Variants in PARD3 observed in about 807,000 individuals in gnomAD.
PARD3 encodes par-3 family cell polarity regulator.
PARD3 carries 75 observed loss-of-function variants against 155.4 expected under a neutral mutation model. The ratio of observed to expected loss-of-function variants is 0.48; its 90% confidence interval spans 0.40 to 0.58. The LOEUF is 0.58. Ranked by LOEUF, PARD3 falls within the 20% of genes least tolerant of loss-of-function variation. The pLI, the probability that PARD3 is intolerant of heterozygous loss-of-function variation, is 0.00. For missense variants in PARD3, 1,642 were observed against 1,721.7 expected, an observed-to-expected ratio of 0.95 and a Z score of 0.82; for synonymous variants, 576 against 610.5, an observed-to-expected ratio of 0.94 and a Z score of 0.83.
At chr10:34,348,506 G>A (rs1483144839) in intron 14 of PARD3, among the ~76,000 whole-genome samples, 1 of 152,088 alleles carries the variant, frequency 6.6e-6, no homozygotes, top group Non-Finnish European at 1.5e-5. Flanking sequence ...TGATCAGAAT[G>A]GAAGCTGCAA....
chr10:34,166,436 G>C (rs58188267), intron 22 of PARD3, among the ~76,000 whole-genome samples: 10,273 of 151,994 alleles, frequency 0.068, 884 homozygotes, highest in East Asian at 0.28. Flanking sequence ...AACACAGTGA[G>C]ATCCTGTCTC....
At chr10:34,571,800 G>A (rs1316772227) in intron 2 of PARD3, among the ~76,000 whole-genome samples, 1 of 152,128 alleles carries the variant, frequency 6.6e-6, no homozygotes, top group East Asian at 1.9e-4. Flanking sequence ...TTATTTAAAT[G>A]CAGGTATTAA....
chr10:34,454,432 T>C (rs2077223880), intron 4 of PARD3, among the ~76,000 whole-genome samples: 1 of 152,312 alleles, frequency 6.6e-6, no homozygotes, highest in East Asian at 1.9e-4. Flanking sequence ...TGCTTTAGCA[T>C]AAATAATTGT....
At chr10:34,737,976 G>A (rs777172192) in intron 1 of PARD3, among the ~76,000 whole-genome samples, 2 of 152,190 alleles carry the variant, frequency 1.3e-5, no homozygotes, top group Non-Finnish European at 2.9e-5. Flanking sequence ...GGCCCAGGAG[G>A]AAGAAGGCAA....
rs567838522 is a variant in PARD3 at position 34,144,807 on chromosome 10, G to A, written c.3420-13224C>T. Among the ~76,000 whole-genome samples, 33 of 152,118 alleles carry A rather than the reference G, an allele frequency of 2.2e-4. No homozygotes were observed. In the South Asian group the frequency reaches 6.7e-3, roughly 31 times the overall value. On this transcript the variant is annotated intron_variant, in intron 22 of 24. Coordinates refer to ENST00000374788, the MANE Select transcript of PARD3 (RefSeq NM_001184785.2). ...TACAATCTGATTTTTCAGATTTCCA[G>A]GAGAACAAGTCTATCATGGCTTATT...
At chr10:34,118,944 A>G (rs1212736798) in intron 24 of PARD3, among the ~76,000 whole-genome samples, 1 of 152,170 alleles carries the variant, frequency 6.6e-6, no homozygotes, top group African/African-American at 2.4e-5. Flanking sequence ...ACTTTGATGG[A>G]AAAATAGTTA....
At chr10:34,288,267 A>G (rs1227016907) in intron 20 of PARD3, among the ~76,000 whole-genome samples, 1 of 152,146 alleles carries the variant, frequency 6.6e-6, no homozygotes, top group African/African-American at 2.4e-5. Flanking sequence ...CCATATGTAA[A>G]ACGTTTATAG....
intron 3 of PARD3, among the ~76,000 whole-genome samples, chr10:34,473,661 G>A (rs1283098933): frequency 6.6e-6 from 1 of 152,214 alleles, no homozygotes; most frequent in African/African-American, 2.4e-5. Context: ...GGCTGGGACA[G>A]AAGCAGTTTT....
chr10:34,653,891 T>C (rs957423382), intron 2 of PARD3, among the ~76,000 whole-genome samples: 1 of 152,080 alleles, frequency 6.6e-6, no homozygotes, highest in South Asian at 2.1e-4. Context: ...CTGGCTTAGA[T>C]TTTGCTCTTT....
intron 2 of PARD3, among the ~76,000 whole-genome samples, chr10:34,643,182 TG>T (rs773682913): frequency 2.9e-4 from 44 of 152,258 alleles, no homozygotes; most frequent in Non-Finnish European, 4.8e-4. Flanking sequence ...GTCTGCTGGC[TG>T]GAGGGACAGA....
chr10:34,565,050 T>C (rs535605145), intron 2 of PARD3, among the ~76,000 whole-genome samples: 2 of 151,892 alleles, frequency 1.3e-5, no homozygotes, highest in South Asian at 4.2e-4. Context: ...CTCAAGCCCA[T>C]ACTCACTATG....
chr10:34,446,588 A>C (rs2076751371), intron 5 of PARD3, among the ~76,000 whole-genome samples: 1 of 152,208 alleles, frequency 6.6e-6, no homozygotes, highest in South Asian at 2.1e-4. Flanking sequence ...AAAAACATTT[A>C]TTTCAAAGTA....
At chr10:34,244,061 TGTCA>T (rs1166615670) in intron 22 of PARD3, among the ~76,000 whole-genome samples, 1 of 152,192 alleles carries the variant, frequency 6.6e-6, no homozygotes, top group African/African-American at 2.4e-5. Context: ...AAAAATTCCT[TGTCA>T]GTATTAGTTT....
chr10:34,455,703 T>C (rs1216333799), intron 4 of PARD3, among the ~76,000 whole-genome samples: 1 of 152,078 alleles, frequency 6.6e-6, no homozygotes, highest in Admixed American at 6.5e-5. Flanking sequence ...ATTGGAATAA[T>C]AAACTAAATG....
intron 5 of PARD3, among the ~76,000 whole-genome samples, chr10:34,424,007 C>T (rs191089913): frequency 1.3e-5 from 2 of 152,306 alleles, no homozygotes; most frequent in East Asian, 3.9e-4. Flanking sequence ...AAAAGCAACT[C>T]ACCACAGATT....
In PARD3 at chr10:34,736,708, TC is replaced by T. The variant is rs534657358; in HGVS notation, c.121-40290del. 7.8e-3 allele frequency among the ~76,000 whole-genome samples: 1,194 copies of T among 152,130 alleles called. 16 individuals carry two copies. Among genetic ancestry groups the T allele is most frequent in the African/African-American group, 0.028 (1,146 of 41,484 alleles). On this transcript the variant is annotated intron_variant, in intron 1 of 24. Coordinates refer to ENST00000374788, the MANE Select transcript of PARD3 (RefSeq NM_001184785.2). ...TTTATTTACTGAGACAGAGTCTTGC[TC>T]TATTGCCCTGGCTGGAGTGAAGTGG...
At chr10:34,576,733 G>A (rs2086918807) in intron 2 of PARD3, among the ~76,000 whole-genome samples, 1 of 152,160 alleles carries the variant, frequency 6.6e-6, no homozygotes, top group Admixed American at 6.5e-5. Flanking sequence ...AATCCTGTAA[G>A]CTGACCAGTG....
At chr10:34,464,382 T>C (rs2077874937) in intron 4 of PARD3, among the ~76,000 whole-genome samples, 1 of 152,172 alleles carries the variant, frequency 6.6e-6, no homozygotes, top group Admixed American at 6.5e-5. Flanking sequence ...CCTATTTATC[T>C]AGGACTTCTC....
At position 34,648,799 on chromosome 10, in the gene PARD3, G is replaced by C. The variant is rs572119816; in HGVS notation, c.222+47519C>G. 1.3e-3 allele frequency among the ~76,000 whole-genome samples: 198 copies of C among 152,288 alleles called. 3 individuals are homozygous for C. The South Asian group carries it at 0.016, about 12-fold the overall frequency. ...ACACAATGTGAAAATCTATGTCCTT[G>C]TATGTGACATTTTTAAGGAAGCCCA... On this transcript the variant is annotated intron_variant, in intron 2 of 24. Transcript: ENST00000374788.
Sources: gnomAD v4.1 joint callset for allele counts (sites outside exome capture counted in the v4.1 genomes callset) on GRCh38, gnomAD v4.1.1 for gene constraint, MANE v1.5 for transcripts, NCBI Gene and HGNC (gene_info 2026-07-23, HGNC 2026-07-21) for gene names.